Variants in SPATA7 observed in about 807,000 individuals in gnomAD.
SPATA7 encodes the protein spermatogenesis-associated protein 7.
Under a neutral mutation model 51.8 loss-of-function variants are expected in SPATA7, and 43 were observed. That is an observed-to-expected ratio of 0.83 (90% CI 0.65 to 1.07). The LOEUF (loss-of-function observed/expected upper bound fraction) is 1.07. SPATA7 is among the 50% of genes least tolerant of loss of function. SPATA7 has a pLI of 0.00. For synonymous variants in SPATA7, 230 were observed against 252.8 expected, an observed-to-expected ratio of 0.91 and a Z score of 0.86; for missense variants, 683 against 701.3, an observed-to-expected ratio of 0.97 and a Z score of 0.30.
intron 3 of SPATA7, among the ~76,000 whole-genome samples, chr14:88,447,827 G>A (rs949475696): frequency 6.6e-5 from 10 of 152,078 alleles, no homozygotes; most frequent in African/African-American, 1.9e-4. Context: ...CTCTCTTCTG[G>A]CTTGTAGAGT....
chr14:88,456,049 A>G (rs113819791), downstream of SPATA7, among the ~76,000 whole-genome samples: 5,750 of 152,172 alleles, frequency 0.038, 354 homozygotes, highest in African/African-American at 0.13. Context: ...TACAAAGGAC[A>G]TGAACTCATC....
intron 4 of SPATA7, 155 bp from the exon 5 acceptor site, chr14:88,416,554 ATG>A: frequency 1.6e-6 from 1 of 634,934 alleles, no homozygotes; most frequent in Non-Finnish European, 2.7e-6. Context: ...AATTTTTAAA[ATG>A]TGTTAGTAAC....
At chr14:88,413,484 C>G (rs1480979702) in intron 4 of SPATA7, among the ~76,000 whole-genome samples, 1 of 152,118 alleles carries the variant, frequency 6.6e-6, no homozygotes, top group South Asian at 2.1e-4. Flanking sequence ...AGAATCATAT[C>G]ATCAGGAAAG....
At position 88,446,945 on chromosome 14, in the gene SPATA7, A is replaced by G. The variant is rs1437725500; in HGVS notation, c.178-8115A>G. On this transcript the variant is annotated intron_variant, in intron 3 of 3. Coordinates refer to the SPATA7 transcript ENST00000554802. ...GGAATAGGTGTGGTGTGGTGCTGAAAAAAATGTACATTCTGTTGATTTGGG... is the reference window on the plus strand; with the variant it reads ...GGAATAGGTGTGGTGTGGTGCTGAAGAAAATGTACATTCTGTTGATTTGGG... Among the ~76,000 whole-genome samples the G allele has an allele frequency of 2.6e-5, 4 of 152,216 alleles. No individual in the cohort carries two copies. The East Asian group carries it at 5.8e-4, about 22-fold the overall frequency.
intron 4 of SPATA7, chr14:88,416,114 A>C (rs2076469277): frequency 6.6e-6 from 1 of 152,578 alleles, no homozygotes; most frequent in African/African-American, 2.4e-5. Context: ...TACAGCCTGC[A>C]GAATCATGAG....
At chr14:88,425,841 T>C (rs1339520510) in intron 5 of SPATA7, among the ~76,000 whole-genome samples, 1 of 152,156 alleles carries the variant, frequency 6.6e-6, no homozygotes, top group Non-Finnish European at 1.5e-5. Context: ...TCTCCAATAA[T>C]GACAAGACAG....
downstream of SPATA7, among the ~76,000 whole-genome samples, chr14:88,460,131 T>A (rs1471626105): frequency 6.6e-6 from 1 of 152,236 alleles, no homozygotes. Flanking sequence ...TCTCTCTGGC[T>A]GCCCTTAACA....
At chr14:88,454,397 G>T (rs1368034029) in intron 3 of SPATA7, among the ~76,000 whole-genome samples, 1 of 152,134 alleles carries the variant, frequency 6.6e-6, no homozygotes, top group Non-Finnish European at 1.5e-5. Flanking sequence ...AGTCACATCT[G>T]CACAGTCCCT....
Position 88,391,420 on chromosome 14 carries a change from G to T in SPATA7, c.59G>T (p.Cys20Phe). ...GTCCTTCCCAGATATGGTCCACCGT[G>T]CCTATTTAAAGGACACTTGAGCACC... Reference protein sequence around the residue: ...TSVLPRYGPPCLFKGHLSTKS... With the variant: ...TSVLPRYGPPFLFKGHLSTKS... Residue 20 changes from cysteine (C) to phenylalanine (F), a missense_variant, in exon 2 of 12, where the codon TGC becomes TTC. Cys to Phe is a radical substitution (Grantham distance 205, BLOSUM62 -2). Transcript: ENST00000393545. 6.2e-7 allele frequency: 1 copy of T among 1,613,510 alleles called. No individual in the cohort carries two copies. Among genetic ancestry groups the T allele is most frequent in the South Asian group, 1.1e-5 (1 of 91,018 alleles).
intron 1 of SPATA7, among the ~76,000 whole-genome samples, chr14:88,387,680 C>T (rs1191508924): frequency 2.0e-5 from 3 of 152,128 alleles, no homozygotes; most frequent in East Asian, 1.9e-4. Flanking sequence ...GACTGAAAAA[C>T]GGTTAGTCTT....
intron 2 of SPATA7, 81 bp from the exon 3 acceptor site, chr14:88,393,312 G>A (rs1250544220): frequency 3.3e-5 from 31 of 933,126 alleles, no homozygotes; most frequent in Non-Finnish European, 5.0e-5. Context: ...TTATAAGAAT[G>A]AGTTAAATAA....
chr14:88,405,886 T>C (rs762905381), intron 4 of SPATA7, among the ~76,000 whole-genome samples: 4 of 152,222 alleles, frequency 2.6e-5, no homozygotes, highest in Non-Finnish European at 4.4e-5. Flanking sequence ...GCACTTTTTG[T>C]TTTTAAAATG....
At chr14:88,459,053 G>C (rs997460680), downstream of SPATA7, among the ~76,000 whole-genome samples, 9 of 152,160 alleles carry the variant, frequency 5.9e-5, no homozygotes, top group Admixed American at 5.2e-4. Flanking sequence ...TCTTAATCCT[G>C]AGTTCTACTT....
chr14:88,397,069 A>G (rs2075904370), intron 4 of SPATA7, among the ~76,000 whole-genome samples: 1 of 151,800 alleles, frequency 6.6e-6, no homozygotes, highest in Admixed American at 6.6e-5. Context: ...CAGCCTTTTT[A>G]CATAGAGACA....
intron 4 of SPATA7, among the ~76,000 whole-genome samples, chr14:88,464,494 G>A (rs1174861549): frequency 6.6e-6 from 1 of 152,140 alleles, no homozygotes; most frequent in African/African-American, 2.4e-5. Context: ...ACTTTGGGAG[G>A]CCGATGCTGG....
At chr14:88,405,822 A>G (rs2076185579) in intron 4 of SPATA7, among the ~76,000 whole-genome samples, 1 of 152,238 alleles carries the variant, frequency 6.6e-6, no homozygotes, top group Non-Finnish European at 1.5e-5. Flanking sequence ...ATTTCAGGAT[A>G]GAGCTAAAAA....
intron 1 of SPATA7, among the ~76,000 whole-genome samples, chr14:88,389,040 T>C (rs73319859): frequency 0.035 from 5,359 of 152,120 alleles, 310 homozygotes; most frequent in African/African-American, 0.12. Flanking sequence ...TGCTGCAATA[T>C]ATTACCTAAA....
chr14:88,395,157 T>C (rs1034500586), intron 3 of SPATA7, among the ~76,000 whole-genome samples: 1 of 152,110 alleles, frequency 6.6e-6, no homozygotes, highest in Non-Finnish European at 1.5e-5. Flanking sequence ...TACCCTGTAC[T>C]CTGCTCTTCC....
rs530779540 is a variant in SPATA7 at position 88,399,601 on chromosome 14, G to A, written c.238+3398G>A. The stretch of plus-strand genomic sequence containing the variant: ...TCTGTGCTTTACATTTTTTTCTTCT[G>A]TATCATATTAGTAACTTTTTTGTAG... On this transcript the variant is annotated intron_variant, in intron 4 of 11. Coordinates refer to ENST00000393545, the MANE Select transcript of SPATA7 (RefSeq NM_018418.5). 9.2e-5 allele frequency among the ~76,000 whole-genome samples: 14 copies of A among 152,020 alleles called. No homozygotes were observed. In the South Asian group the frequency reaches 2.9e-3, roughly 32 times the overall value.
Sources: allele counts gnomAD v4.1 joint callset (sites outside exome capture counted in the v4.1 genomes callset), GRCh38; gene constraint gnomAD v4.1.1; transcripts MANE v1.5; gene names NCBI Gene and HGNC (gene_info 2026-07-23, HGNC 2026-07-21).